ZNF700: variants seen among roughly 807,000 people sequenced by gnomAD.
The protein encoded by ZNF700 is zinc finger protein 700.
Under a neutral mutation model 65.3 loss-of-function variants are expected in ZNF700, and 38 were observed. That is an observed-to-expected ratio of 0.58 (90% CI 0.45 to 0.76). The LOEUF is 0.76. Ranked by LOEUF, ZNF700 falls within the 30% of genes least tolerant of loss-of-function variation. The pLI is 0.00. For missense variants in ZNF700, 857 were observed against 888.4 expected, an observed-to-expected ratio of 0.96 and a Z score of 0.45; for synonymous variants, 285 against 290.4, an observed-to-expected ratio of 0.98 and a Z score of 0.19.
In ZNF700 at chr19:11,935,590, AC is replaced by A. The variant is rs368874104; in HGVS notation, c.63+10319del. Reference sequence around the variant, plus strand: ...TTATAGAATTTTAGGACTTCTTCATACCTTTTGGATACCAGTCCATCACCAG... The same window carrying A: ...TTATAGAATTTTAGGACTTCTTCATACTTTTGGATACCAGTCCATCACCAG... On this transcript the variant is annotated intron_variant, in intron 1 of 3. Coordinates refer to ENST00000254321, the MANE Select transcript of ZNF700 (RefSeq NM_144566.3). Among the ~76,000 whole-genome samples the A allele has an allele frequency of 2.0e-3, 307 of 151,910 alleles. 2 individuals are homozygous for A. The highest frequency in any genetic ancestry group is 6.8e-3 in the African/African-American group (283 of 41,434).
intron 1 of ZNF700, among the ~76,000 whole-genome samples, chr19:11,927,963 T>A (rs1972656669): frequency 6.6e-6 from 1 of 151,656 alleles, no homozygotes; most frequent in African/African-American, 2.4e-5. Flanking sequence ...GTAACAGGAT[T>A]ATGTTTTCCA....
intron 1 of ZNF700, among the ~76,000 whole-genome samples, chr19:11,932,600 T>A (rs2145277419): frequency 6.8e-6 from 1 of 147,554 alleles, no homozygotes; most frequent in Non-Finnish European, 1.5e-5. Flanking sequence ...CAGTATATTT[T>A]ATTTTTGCAT....
Position 11,948,896 on chromosome 19 carries a change from G to C in ZNF700, c.872G>C (p.Ser291Thr). Residue 291 changes from serine (S) to threonine (T), a missense_variant, in exon 4 of 4, where the codon AGT becomes ACT. Ser to Thr is a moderately conservative substitution (Grantham distance 58). Coordinates refer to ENST00000254321, the MANE Select transcript of ZNF700 (RefSeq NM_144566.3). ...TGTGATAAAGCATTTCATAGTTCTA[G>C]TTCCTATCATAGACATGAAAGAAGT... ...SKCDKAFHSS[S>T]SYHRHERSHM... is the part of the protein sequence containing the mutation. 3 of 1,604,026 alleles carry C rather than the reference G, an allele frequency of 1.9e-6. No homozygotes were observed. Among genetic ancestry groups the C allele is most frequent in the Non-Finnish European group, 1.7e-6 (2 of 1,177,862 alleles).
rs533841379 is a variant in ZNF700 at position 11,943,106 on chromosome 19, CTAT to C, written c.64-4061_64-4059del. Among the ~76,000 whole-genome samples the C allele has an allele frequency of 6.6e-5, 10 of 152,188 alleles. No homozygotes were observed. In the South Asian group the frequency reaches 8.3e-4, roughly 13 times the overall value. On this transcript the variant is annotated intron_variant, in intron 1 of 3. Transcript: ENST00000254321. ...AAGCAGGGGAGTAACAAGCAGGTTT[CTAT>C]TATTATTATTATTTCTATTATAAGT...
intron 1 of ZNF700, among the ~76,000 whole-genome samples, chr19:11,938,393 C>G (rs1316192339): frequency 4.6e-5 from 7 of 152,146 alleles, no homozygotes; most frequent in Non-Finnish European, 1.0e-4. Flanking sequence ...CTTCCCCCTA[C>G]CCCATGACAG....
rs773565957 is a variant in ZNF700, at chr19:11,950,021, A to G, written c.1997A>G (p.His666Arg). The G allele has an allele frequency of 1.2e-6, 2 of 1,614,128 alleles. No homozygotes were observed. Among genetic ancestry groups the G allele is most frequent in the Middle Eastern group, 1.6e-4 (1 of 6,062 alleles). The stretch of plus-strand genomic sequence containing the variant: ...TGTAAATTCTCTTCTTTTCAAATAC[A>G]TGAAAGGAAGCACAGAGGAGAGAAG... Reference protein sequence around the residue: ...AFCKFSSFQIHERKHRGEKPY... With the variant: ...AFCKFSSFQIRERKHRGEKPY... Residue 666 changes from histidine to arginine, a missense_variant, in exon 4 of 4, where the codon CAT becomes CGT. This residue lies in a region of ZNF700 where 251 missense variants were observed against 250.3 expected (regional missense o/e 1.00). Transcript: ENST00000254321.
intron 1 of ZNF700, among the ~76,000 whole-genome samples, chr19:11,933,013 CTTAT>C (rs1257631804): frequency 2.0e-5 from 3 of 148,424 alleles, no homozygotes; most frequent in Non-Finnish European, 2.9e-5. Flanking sequence ...AATTCACTTT[CTTAT>C]TTAGTTGATT....
In ZNF700 at chr19:11,943,106, C is replaced by CTAT. The variant is rs533841379; in HGVS notation, c.64-4061_64-4059dup. ...AAGCAGGGGAGTAACAAGCAGGTTT[C>CTAT]TATTATTATTATTATTTCTATTATA... On this transcript the variant is annotated intron_variant, in intron 1 of 3. Coordinates refer to ENST00000254321, the MANE Select transcript of ZNF700 (RefSeq NM_144566.3). 2.0e-3 allele frequency among the ~76,000 whole-genome samples: 300 copies of CTAT among 152,188 alleles called. 2 individuals carry two copies. The highest frequency in any genetic ancestry group is 6.7e-3 in the African/African-American group (279 of 41,522).
At chr19:11,936,409 G>T (rs1490630342) in intron 1 of ZNF700, among the ~76,000 whole-genome samples, 1 of 152,154 alleles carries the variant, frequency 6.6e-6, no homozygotes, top group East Asian at 1.9e-4. Flanking sequence ...ATCTCATTGT[G>T]GTTTTGATTT....
rs1973003124 is a variant in ZNF700, at chr19:11,948,681, T to C, written c.657T>C (p.Asp219=). Residue 219 remains aspartate, a synonymous_variant, in exon 4 of 4, where the codon GAT becomes GAC. Coordinates refer to ENST00000254321, the MANE Select transcript of ZNF700 (RefSeq NM_144566.3). Reference sequence around the variant, plus strand: ...GACACATGGTAATGCACAGTGGGGATGGAACTTATAAATGTAAATTTTGTG... The same window carrying C: ...GACACATGGTAATGCACAGTGGGGACGGAACTTATAAATGTAAATTTTGTG... ...IRRHMVMHSG[D]GTYKCKFCGK... is the part of the protein sequence containing the mutation. 2 of 1,612,136 alleles carry C rather than the reference T, an allele frequency of 1.2e-6. No homozygotes were observed. Among genetic ancestry groups the C allele is most frequent in the Non-Finnish European group, 1.7e-6 (2 of 1,179,606 alleles).
Position 11,948,479 on chromosome 19 carries a change from A to T in ZNF700, c.455A>T (p.Lys152Met), listed in dbSNP as rs1269318995. The T allele has an allele frequency of 6.2e-7, 1 of 1,614,146 alleles. No homozygotes were observed. The highest frequency in any genetic ancestry group is 1.1e-5 in the South Asian group (1 of 91,074). The change falls in exon 4 of 4, where the codon AAG (lysine) becomes ATG (methionine). Residue 152 changes from lysine (K) to methionine (M), a missense_variant. Transcript: ENST00000254321. ...AGCATCAGAGGTGACACTGGACACA[A>T]GGCATATGAGTATCAGGAATATGGA... Reference protein sequence around the residue: ...NMSIRGDTGHKAYEYQEYGPK... With the variant: ...NMSIRGDTGHMAYEYQEYGPK...
At chr19:11,927,659 A>G (rs1474766430) in intron 1 of ZNF700, among the ~76,000 whole-genome samples, 3 of 152,172 alleles carry the variant, frequency 2.0e-5, no homozygotes, top group African/African-American at 7.2e-5. Context: ...AAAGAAAACT[A>G]TCCTTTACAT....
chr19:11,937,930 G>A lies in ZNF700; in HGVS notation c.64-9251G>A, dbSNP rs76381776. Among the ~76,000 whole-genome samples, 1,396 of 152,264 alleles carry A rather than the reference G, an allele frequency of 9.2e-3. 23 individuals are homozygous for A. The highest frequency in any genetic ancestry group is 0.033 in the African/African-American group (1,353 of 41,536). On this transcript the variant is annotated intron_variant, in intron 1 of 3. Coordinates refer to ENST00000254321, the MANE Select transcript of ZNF700 (RefSeq NM_144566.3). ...AATTTTTTGAATTGCAGATGTGTGA[G>A]AAATCAGACTTTGGCAATAACCTTG...
In ZNF700 at chr19:11,949,358, C is replaced by T. The variant is rs777008138; in HGVS notation, c.1334C>T (p.Pro445Leu). ...VHGGTHTGEKPYECKECGKAF... is the reference protein window; with the variant it reads ...VHGGTHTGEKLYECKECGKAF... ...GGTGGGACTCACACTGGAGAGAAACCCTATGAATGTAAGGAATGTGGGAAA... is the reference window on the plus strand; with the variant it reads ...GGTGGGACTCACACTGGAGAGAAACTCTATGAATGTAAGGAATGTGGGAAA... The change falls in exon 4 of 4, where the codon CCC becomes CTC. Residue 445 changes from proline to leucine, a missense_variant. Around this residue, in one of 3 missense-constraint regions of ZNF700, gnomAD observed 603 missense variants for 619.9 expected, o/e 0.97. Transcript: ENST00000254321. 1 of 1,613,590 alleles carries T rather than the reference C, an allele frequency of 6.2e-7. No homozygotes were observed. The highest frequency in any genetic ancestry group is 1.1e-5 in the South Asian group (1 of 91,046).
At position 11,935,539 on chromosome 19, in the gene ZNF700, T is replaced by G. The variant is rs377708185; in HGVS notation, c.63+10266T>G. 2.0e-3 allele frequency among the ~76,000 whole-genome samples: 301 copies of G among 152,134 alleles called. 2 individuals are homozygous for G. The highest frequency in any genetic ancestry group is 6.7e-3 in the African/African-American group (279 of 41,514). On this transcript the variant is annotated intron_variant, in intron 1 of 3. Transcript: ENST00000254321. ...GAGCCACTGTGCCTGGCTTTTTGCTTCTTTTTTGATTGGTTGTTTTTTTTC... is the reference window on the plus strand; with the variant it reads ...GAGCCACTGTGCCTGGCTTTTTGCTGCTTTTTTGATTGGTTGTTTTTTTTC...
At position 11,949,426 on chromosome 19, in the gene ZNF700, C is replaced by G. The variant is rs778523455; in HGVS notation, c.1402C>G (p.His468Asp). The change falls in exon 4 of 4, where the codon CAT (histidine) becomes GAT (aspartate). Residue 468 changes from histidine (H) to aspartate (D), a missense_variant. Coordinates refer to ENST00000254321, the MANE Select transcript of ZNF700 (RefSeq NM_144566.3). ...TSHLRVHGRTHTGEKPYECKE... is the reference protein window; with the variant it reads ...TSHLRVHGRTDTGEKPYECKE... ...ACACCTTCGAGTGCATGGTAGGACT[C>G]ATACTGGAGAGAAACCCTATGAATG... 1.4e-5 allele frequency: 23 copies of G among 1,612,834 alleles called. No individual in the cohort carries two copies. The highest frequency in any genetic ancestry group is 1.9e-5 in the Non-Finnish European group (22 of 1,179,738).
intron 1 of ZNF700, among the ~76,000 whole-genome samples, chr19:11,937,332 C>A (rs991541032): frequency 2.0e-5 from 3 of 152,018 alleles, no homozygotes; most frequent in African/African-American, 7.2e-5. Context: ...TGTATGCCAC[C>A]ATGTCTAATT....
intron 1 of ZNF700, 24 bp from the exon 2 acceptor site, chr19:11,947,157 C>T (rs530134452): frequency 3.1e-6 from 5 of 1,610,388 alleles, no homozygotes; most frequent in South Asian, 1.1e-5. Context: ...ACCCATCTTC[C>T]TCTACACATG....
chr19:11,949,066 A>T lies in ZNF700; in HGVS notation c.1042A>T (p.Ser348Cys), dbSNP rs1568298020. 1 of 1,609,336 alleles carries T rather than the reference A, an allele frequency of 6.2e-7. No individual in the cohort carries two copies. Among genetic ancestry groups the T allele is most frequent in the Non-Finnish European group, 8.5e-7 (1 of 1,179,082 alleles). Residue 348 changes from serine to cysteine, a missense_variant, in exon 4 of 4, where the codon AGT becomes TGT. By Grantham distance (112) the Ser-to-Cys change is moderately radical. This residue lies in a region of ZNF700 where 603 missense variants were observed against 619.9 expected (regional missense o/e 0.97). Transcript: ENST00000254321. ...QYGEGLSYLI[S>C]FQTHIRMNSG... ...TGGGGAAGGCTTATCCTATCTTATAAGTTTTCAAACACACATAAGAATGAA... is the reference window on the plus strand; with the variant it reads ...TGGGGAAGGCTTATCCTATCTTATATGTTTTCAAACACACATAAGAATGAA...
Sources: allele counts gnomAD v4.1 joint callset (sites outside exome capture counted in the v4.1 genomes callset), GRCh38; gene constraint gnomAD v4.1.1; regional missense constraint gnomAD v4.1.1; transcripts MANE v1.5; gene names NCBI Gene and HGNC (gene_info 2026-07-23, HGNC 2026-07-21).